The following FBN2 variants were observed in gnomAD, a reference collection of about 807,000 sequenced individuals.
The protein encoded by FBN2 is fibrillin 2.
In FBN2, 105 loss-of-function variants were observed where a neutral mutation model predicts 355.6. That is an observed-to-expected ratio of 0.30 (90% CI 0.25 to 0.35). The LOEUF (loss-of-function observed/expected upper bound fraction) is 0.35, where lower values mean the gene tolerates loss of function less well. Among genes scored for constraint, FBN2 ranks in the 10% least tolerant of loss-of-function variants. FBN2 has a pLI of 1.00. For synonymous variants in FBN2, 1,350 were observed against 1,301.2 expected (o/e 1.04, Z -0.81); for missense variants, 3,280 against 3,758.7 (o/e 0.87, Z 3.33).
Position 128,261,897 on chromosome 5 carries a change from A to C in FBN2, c.8203T>G (p.Ser2735Ala). ...TGCCCCTTGTTAAATCCCATTCCTGAGACACAGTGGCTATTTGCAAAAAGC... is the reference window on the plus strand; with the variant it reads ...TGCCCCTTGTTAAATCCCATTCCTGCGACACAGTGGCTATTTGCAAAAAGC... ...YYRVGQGHCV[S>A]GMGFNKGQYL... is the part of the protein sequence containing the mutation. Residue 2735 changes from serine (S) to alanine (A), a missense_variant, in exon 64 of 65, where the codon TCA (serine) becomes GCA (alanine). Around this residue, in one of 6 missense-constraint regions of FBN2, gnomAD observed 311 missense variants for 319.1 expected, o/e 0.97. Coordinates refer to ENST00000262464, the MANE Select transcript of FBN2 (RefSeq NM_001999.4). The C allele has an allele frequency of 6.2e-7, 1 of 1,614,020 alleles. No individual in the cohort carries two copies. The highest frequency in any genetic ancestry group is 8.5e-7 in the Non-Finnish European group (1 of 1,179,864).
At chr5:128,376,684 A>T in intron 14 of FBN2, 47 bp downstream of exon 14, 1 of 1,607,738 alleles carries the variant, frequency 6.2e-7, no homozygotes, top group Non-Finnish European at 8.5e-7. Flanking sequence ...CAAATAAAAA[A>T]GGTGGTTTCA....
At chr5:128,304,078 C>A (rs1337338201) in intron 45 of FBN2, among the ~76,000 whole-genome samples, 1 of 152,166 alleles carries the variant, frequency 6.6e-6, no homozygotes, top group Non-Finnish European at 1.5e-5. Context: ...TGAAGGAAAC[C>A]AGTCCTGCAG....
At chr5:128,518,206 A>T (rs1223359899) in intron 5 of FBN2, among the ~76,000 whole-genome samples, 1 of 152,122 alleles carries the variant, frequency 6.6e-6, no homozygotes, top group Non-Finnish European at 1.5e-5. Context: ...ACTCAGCTCA[A>T]CCTAAAAGAT....
At chr5:128,353,203 A>G (rs1751414996) in intron 20 of FBN2, among the ~76,000 whole-genome samples, 1 of 152,100 alleles carries the variant, frequency 6.6e-6, no homozygotes. Context: ...TCTAAATTCA[A>G]CAACAAAAAT....
At position 128,335,452 on chromosome 5, in the gene FBN2, T is replaced by C; in HGVS notation, c.3847+3A>G. 1 of 1,614,248 alleles carries C rather than the reference T, an allele frequency of 6.2e-7. No individual in the cohort carries two copies. The highest frequency in any genetic ancestry group is 8.5e-7 in the Non-Finnish European group (1 of 1,180,022). ...CAAAACCTGTGTGTTTTCCTTTCTA[T>C]ACCTGCACACGATCTCCCATCTGGC... is the stretch of plus-strand genomic sequence containing the variant. On this transcript the variant is annotated splice_donor_region_variant and intron_variant, in intron 29 of 64. Transcript: ENST00000262464.
chr5:128,521,377 G>A (rs980869879), intron 4 of FBN2, among the ~76,000 whole-genome samples: 2 of 152,094 alleles, frequency 1.3e-5, no homozygotes, highest in African/African-American at 4.8e-5. Flanking sequence ...GGGAGGGCAG[G>A]GGGAGGGAGA....
rs766958025 is a variant in FBN2 at position 128,527,859 on chromosome 5, C to T, written c.532+13G>A. The T allele has an allele frequency of 4.6e-6, 7 of 1,522,500 alleles. No homozygotes were observed. The highest frequency in any genetic ancestry group is 6.4e-6 in the Non-Finnish European group (7 of 1,097,436). 94.3% of individuals were successfully genotyped at this position (1,522,500 alleles called of 1,614,324 possible). A position where few individuals can be genotyped will look rare whatever the true frequency, so the allele number is the denominator to read the frequency against. ...CCAAATCAAATGATTTCTAATAAATCAATGTCCCTTACGTTGTCCACAATA... is the reference window on the plus strand; with the variant it reads ...CCAAATCAAATGATTTCTAATAAATTAATGTCCCTTACGTTGTCCACAATA... On this transcript the variant is annotated intron_variant, in intron 4 of 64. Coordinates refer to ENST00000262464, the MANE Select transcript of FBN2 (RefSeq NM_001999.4).
intron 20 of FBN2, among the ~76,000 whole-genome samples, chr5:128,354,410 C>T (rs974300817): frequency 5.9e-5 from 9 of 152,152 alleles, no homozygotes; most frequent in Non-Finnish European, 1.3e-4. Context: ...AGGACTTGAG[C>T]TTTTACTGAA....
At chr5:128,337,270 T>G (rs953999966) in intron 27 of FBN2, among the ~76,000 whole-genome samples, 12 of 152,204 alleles carry the variant, frequency 7.9e-5, no homozygotes, top group Admixed American at 4.6e-4. Context: ...AATAAATATA[T>G]GTGTATTGGA....
At position 128,464,699 on chromosome 5, in the gene FBN2, G is replaced by A. The variant is rs557462629; in HGVS notation, c.826+25C>T. ...AGAGAAGTGGCAGGTCTGCGATGGT[G>A]TGCACAGGCAGACAGCTGACTCACC... On this transcript the variant is annotated intron_variant, in intron 6 of 64. Coordinates refer to ENST00000262464, the MANE Select transcript of FBN2 (RefSeq NM_001999.4). The A allele has an allele frequency of 1.5e-5, 24 of 1,608,240 alleles. 1 individual carries two copies. In the South Asian group the frequency reaches 2.6e-4, roughly 18 times the overall value.
intron 3 of FBN2, among the ~76,000 whole-genome samples, chr5:128,529,013 T>C (rs1280720499): frequency 6.6e-6 from 1 of 152,226 alleles, no homozygotes; most frequent in Non-Finnish European, 1.5e-5. Context: ...ACTGGGTGGA[T>C]GGCAGAGCCA....
rs1262453464 is a variant in FBN2 at position 128,291,541 on chromosome 5, G to A, written c.6280C>T (p.Arg2094Trp). ...PPGFVLSDNG[R>W]RCFDTRQSFC... The stretch of plus-strand genomic sequence containing the variant: ...TGCCAAATCTTACCAAAGCATCTCC[G>A]TCCATTATCAGATAGTACAAAGCCA... The change falls in exon 49 of 65, where the codon CGG becomes TGG. Residue 2094 changes from arginine to tryptophan, a missense_variant. By Grantham distance (101) the Arg-to-Trp change is moderately radical. Transcript: ENST00000262464. 7 of 1,613,868 alleles carry A rather than the reference G, an allele frequency of 4.3e-6. No homozygotes were observed. Among genetic ancestry groups the A allele is most frequent in the Admixed American group, 1.7e-5 (1 of 60,004 alleles).
intron 55 of FBN2, among the ~76,000 whole-genome samples, chr5:128,285,708 T>C (rs957922777): frequency 6.6e-6 from 1 of 152,222 alleles, no homozygotes; most frequent in East Asian, 1.9e-4. Flanking sequence ...AGATCATTTA[T>C]GGCAGATCCA....
chr5:128,408,272 T>A (rs1175194061), intron 8 of FBN2, among the ~76,000 whole-genome samples: 1 of 152,190 alleles, frequency 6.6e-6, no homozygotes, highest in Admixed American at 6.5e-5. Flanking sequence ...AACACAAAAT[T>A]AAAGGTGTCT....
At chr5:128,532,960 A>G (rs938572560) in intron 2 of FBN2, among the ~76,000 whole-genome samples, 1 of 152,206 alleles carries the variant, frequency 6.6e-6, no homozygotes, top group African/African-American at 2.4e-5. Flanking sequence ...ATGCAGCTTG[A>G]GCCCGAGAGG....
At chr5:128,321,542 G>A (rs191694547) in intron 34 of FBN2, among the ~76,000 whole-genome samples, 1 of 152,260 alleles carries the variant, frequency 6.6e-6, no homozygotes, top group African/African-American at 2.4e-5. Context: ...AACATGCAGT[G>A]TTCGGTTTTC....
intron 24 of FBN2, among the ~76,000 whole-genome samples, chr5:128,344,785 C>G (rs1316170003): frequency 6.6e-6 from 1 of 151,778 alleles, no homozygotes; most frequent in Admixed American, 6.6e-5. Flanking sequence ...ACTGCAACCT[C>G]CACCTCCCAG....
chr5:128,334,170 G>C (rs1489350984), intron 31 of FBN2, among the ~76,000 whole-genome samples: 2 of 151,872 alleles, frequency 1.3e-5, no homozygotes, highest in East Asian at 3.9e-4. Flanking sequence ...GAGCAAAGAA[G>C]GAAAGTGAAG....
chr5:128,426,197 C>T (rs1753478328), intron 7 of FBN2, among the ~76,000 whole-genome samples: 1 of 152,088 alleles, frequency 6.6e-6, no homozygotes. Context: ...TCATTAGGAC[C>T]ACACTCTAAC....
Sources: gnomAD v4.1 joint callset for allele counts (sites outside exome capture counted in the v4.1 genomes callset) on GRCh38, gnomAD v4.1.1 for gene constraint, gnomAD v4.1.1 regional missense constraint, MANE v1.5 for transcripts, NCBI Gene and HGNC (gene_info 2026-07-23, HGNC 2026-07-21) for gene names.